Variants in MSH3 observed in about 807,000 individuals in gnomAD.
MSH3 encodes mutS homolog 3, also known as DNA mismatch repair protein Msh3.
Under a neutral mutation model 123.3 loss-of-function variants are expected in MSH3, and 106 were observed. That is an observed-to-expected ratio of 0.86 (90% CI 0.73 to 1.01). The LOEUF (loss-of-function observed/expected upper bound fraction) is 1.01, where lower values mean the gene tolerates loss of function less well. Among genes scored for constraint, MSH3 ranks in the 50% least tolerant of loss-of-function variants. The pLI is 0.00. For missense variants in MSH3, 1,459 were observed against 1,347.6 expected (o/e 1.08, Z -1.29); for synonymous variants, 515 against 481.4 (o/e 1.07, Z -0.91).
intron 6 of MSH3, among the ~76,000 whole-genome samples, chr5:80,673,843 A>G (rs539293956): frequency 3.3e-5 from 5 of 152,316 alleles, no homozygotes; most frequent in Admixed American, 2.6e-4. Flanking sequence ...TATATGTAAA[A>G]TTAGACCAGG....
chr5:80,718,649 G>GTT (rs564529831), intron 8 of MSH3, among the ~76,000 whole-genome samples: 5 of 143,900 alleles, frequency 3.5e-5, no homozygotes, highest in African/African-American at 1.3e-4. Flanking sequence ...TAAAATTCAG[G>GTT]TTTTTTTTTT....
rs574407749 is a variant in MSH3, at chr5:80,672,324, T to A, written c.873T>A (p.Phe291Leu). 6.2e-7 allele frequency: 1 copy of A among 1,614,054 alleles called. No individual in the cohort carries two copies. Among genetic ancestry groups the A allele is most frequent in the South Asian group, 1.1e-5 (1 of 91,078 alleles). ...MTASIPTHRL[F>L]VHVRRLVAKG... The stretch of plus-strand genomic sequence containing the variant: ...CAAGTATACCTACTCACAGACTGTT[T>A]GTTCATGTACGCCGCCTGGTGGCAA... The change falls in exon 5 of 24, where the codon TTT becomes TTA. Residue 291 changes from phenylalanine (F) to leucine (L), a missense_variant. By Grantham distance (22) the Phe-to-Leu change is conservative. Coordinates refer to ENST00000265081, the MANE Select transcript of MSH3 (RefSeq NM_002439.5).
intron 18 of MSH3, 33 bp from the exon 19 acceptor site, chr5:80,792,700 C>A (rs750703232): frequency 7.7e-7 from 1 of 1,303,162 alleles, no homozygotes; most frequent in Admixed American, 1.7e-5. Flanking sequence ...TATTTCCATG[C>A]CTAGTAAATT....
At chr5:80,679,544 C>A (rs1749922430) in intron 8 of MSH3, among the ~76,000 whole-genome samples, 1 of 152,202 alleles carries the variant, frequency 6.6e-6, no homozygotes, top group Non-Finnish European at 1.5e-5. Flanking sequence ...GAGTTCACTT[C>A]TTACAAAGTT....
chr5:80,668,986 G>A (rs746380264), intron 3 of MSH3, among the ~76,000 whole-genome samples: 3 of 152,292 alleles, frequency 2.0e-5, no homozygotes, highest in Non-Finnish European at 2.9e-5. Context: ...CTGGCGTTAC[G>A]GCAGTGGCTG....
intron 20 of MSH3, among the ~76,000 whole-genome samples, chr5:80,814,535 T>A (rs1040866085): frequency 6.6e-6 from 1 of 152,238 alleles, no homozygotes; most frequent in African/African-American, 2.4e-5. Context: ...CCTCTCCAAG[T>A]GCTGGGATTA....
At chr5:80,666,857 C>T (rs2897262) in intron 3 of MSH3, among the ~76,000 whole-genome samples, 42,226 of 152,062 alleles carry the variant, frequency 0.28, 6,108 homozygotes, top group Middle Eastern at 0.35. Context: ...CAATAGGTTT[C>T]GAAATATATT....
At chr5:80,679,742 T>G (rs544020763) in intron 8 of MSH3, among the ~76,000 whole-genome samples, 1 of 152,174 alleles carries the variant, frequency 6.6e-6, no homozygotes, top group African/African-American at 2.4e-5. Flanking sequence ...CACATGAGAG[T>G]CAGATGTGTG....
At chr5:80,668,267 A>C (rs1749615625) in intron 3 of MSH3, among the ~76,000 whole-genome samples, 1 of 152,206 alleles carries the variant, frequency 6.6e-6, no homozygotes, top group Non-Finnish European at 1.5e-5. Flanking sequence ...GGGCGGGCTC[A>C]GAAAACACCG....
At chr5:80,662,738 A>G (rs1299992556) in intron 2 of MSH3, among the ~76,000 whole-genome samples, 1 of 151,748 alleles carries the variant, frequency 6.6e-6, no homozygotes, top group Non-Finnish European at 1.5e-5. Context: ...GAAGTAGGAG[A>G]ATTACTTGAA....
In MSH3 at chr5:80,844,014, C is replaced by T. The variant is rs571382160; in HGVS notation, c.2814-10116C>T. Among the ~76,000 whole-genome samples, 7 of 151,850 alleles carry T rather than the reference C, an allele frequency of 4.6e-5. No homozygotes were observed. The South Asian group carries it at 1.5e-3, about 32-fold the overall frequency. On this transcript the variant is annotated intron_variant, in intron 20 of 23. Coordinates refer to ENST00000265081, the MANE Select transcript of MSH3 (RefSeq NM_002439.5). ...TTAAGGTGTCGATTTTAGATCTTTC[C>T]TGCTTTCTCTTGTGGGCATTTAGTG...
chr5:80,861,324 T>C (rs1746010179), intron 21 of MSH3, among the ~76,000 whole-genome samples: 1 of 152,164 alleles, frequency 6.6e-6, no homozygotes, highest in Non-Finnish European at 1.5e-5. Flanking sequence ...AGTCCTATGA[T>C]TAAGTCTCAG....
chr5:80,780,964 AAAAAC>A (rs1437514038), intron 17 of MSH3, among the ~76,000 whole-genome samples: 1 of 152,194 alleles, frequency 6.6e-6, no homozygotes, highest in African/African-American at 2.4e-5. Context: ...GAAAAAAACT[AAAAAC>A]AAAAAAGATA....
At chr5:80,768,239 A>G (rs1250595499) in intron 14 of MSH3, 119 bp downstream of exon 14, 2 of 943,694 alleles carry the variant, frequency 2.1e-6, no homozygotes, top group Non-Finnish European at 1.7e-6. Context: ...ATGAGTACAT[A>G]TATAATTAGA....
intron 20 of MSH3, among the ~76,000 whole-genome samples, chr5:80,840,436 T>C (rs1461583738): frequency 6.6e-6 from 1 of 152,068 alleles, no homozygotes; most frequent in Admixed American, 6.6e-5. Flanking sequence ...TATTCTTTTT[T>C]TTTTCTTTGC....
At chr5:80,864,709 A>G in intron 21 of MSH3, 104 bp from the exon 22 acceptor site, 1 of 992,402 alleles carries the variant, frequency 1.0e-6, no homozygotes, top group South Asian at 1.5e-5. Flanking sequence ...TTTTCTTGTG[A>G]CTTTTAGGAA....
Position 80,744,620 on chromosome 5 carries a change from A to G in MSH3, c.1763+5A>G, listed in dbSNP as rs370801479. The G allele has an allele frequency of 1.3e-6, 2 of 1,597,036 alleles. No individual in the cohort carries two copies. Among genetic ancestry groups the G allele is most frequent in the Non-Finnish European group, 1.7e-6 (2 of 1,165,264 alleles). Reference sequence around the variant, plus strand: ...CCAGCCACTCCTTAAATTAAGGTAAAAGGAATTCTTTTTGGGGTGTTTAAT... The same window carrying G: ...CCAGCCACTCCTTAAATTAAGGTAAGAGGAATTCTTTTTGGGGTGTTTAAT... On this transcript the variant is annotated splice_donor_5th_base_variant and intron_variant, in intron 12 of 23. Coordinates refer to ENST00000265081, the MANE Select transcript of MSH3 (RefSeq NM_002439.5).
chr5:80,814,139 A>C (rs1745059332), intron 20 of MSH3, among the ~76,000 whole-genome samples: 1 of 151,916 alleles, frequency 6.6e-6, no homozygotes, highest in Non-Finnish European at 1.5e-5. Flanking sequence ...GAAAAAAAAA[A>C]AAACAAAAAC....
At chr5:80,798,017 T>C (rs554983754) in intron 19 of MSH3, among the ~76,000 whole-genome samples, 63 of 152,220 alleles carry the variant, frequency 4.1e-4, no homozygotes, top group African/African-American at 1.4e-3. Context: ...AGTTCATTTG[T>C]AGGGTTTTTG....
Sources: gnomAD v4.1 joint callset for allele counts (sites outside exome capture counted in the v4.1 genomes callset) on GRCh38, gnomAD v4.1.1 for gene constraint, MANE v1.5 for transcripts, NCBI Gene and HGNC (gene_info 2026-07-23, HGNC 2026-07-21) for gene names.